The following ZNF257 variants were observed in gnomAD, a reference collection of about 807,000 sequenced individuals.
ZNF257 encodes the protein bone marrow zinc finger 4.
In ZNF257, 12 loss-of-function variants were observed where a neutral mutation model predicts 11.9. That is an observed-to-expected ratio of 1.01 (90% CI 0.65 to 1.63). The LOEUF is 1.63. Ranked by LOEUF, ZNF257 falls within the 40% of genes most tolerant of loss-of-function variation. The pLI, the probability that ZNF257 is intolerant of heterozygous loss-of-function variation, is 0.00. For synonymous variants in ZNF257, 183 were observed against 222.7 expected, an observed-to-expected ratio of 0.82 and a Z score of 1.59; for missense variants, 580 against 665.5, an observed-to-expected ratio of 0.87 and a Z score of 1.41.
In ZNF257 at chr19:22,091,344, C is replaced by T. The variant is rs1355646528; in HGVS notation, c.*1902C>T. 1 of 150,844 alleles carries T rather than the reference C, an allele frequency of 6.6e-6. No individual in the cohort carries two copies. Among genetic ancestry groups the T allele is most frequent in the East Asian group, 2.0e-4 (1 of 5,040 alleles). The allele number at this position is 150,844 out of a possible 1,614,324, so 9.3% of individuals were successfully genotyped here. On this transcript the variant is annotated 3_prime_UTR_variant, in exon 4 of 4. Coordinates refer to ENST00000594947, the MANE Select transcript of ZNF257 (RefSeq NM_033468.4). The stretch of plus-strand genomic sequence containing the variant: ...GCATGGTGGTGGGTGCCTGAAATCC[C>T]AGCTATTTGGGAGATTGAGGCAAGA...
intron 1 of ZNF257, among the ~76,000 whole-genome samples, chr19:22,061,803 T>C (rs1046883232): frequency 2.0e-5 from 3 of 152,158 alleles, no homozygotes; most frequent in Non-Finnish European, 2.9e-5. Flanking sequence ...TTTTGAAGTA[T>C]GTACCTTCAA....
In ZNF257 at chr19:22,088,235, G is replaced by C. The variant is rs755548631; in HGVS notation, c.485G>C (p.Arg162Thr). The change falls in exon 4 of 4, where the codon AGA becomes ACA. Residue 162 changes from arginine (R) to threonine (T), a missense_variant. Transcript: ENST00000594947. ...KVFYKFSNSD[R>T]HKIRHTEKKT... ...TTCTATAAGTTTTCAAATTCAGATAGACATAAGATAAGACATACTGAAAAG... is the reference window on the plus strand; with the variant it reads ...TTCTATAAGTTTTCAAATTCAGATACACATAAGATAAGACATACTGAAAAG... 1 of 1,610,144 alleles carries C rather than the reference G, an allele frequency of 6.2e-7. No individual in the cohort carries two copies. The highest frequency in any genetic ancestry group is 8.5e-7 in the Non-Finnish European group (1 of 1,178,662).
chr19:22,068,410 C>T (rs1490070961), intron 1 of ZNF257, among the ~76,000 whole-genome samples: 1 of 152,124 alleles, frequency 6.6e-6, no homozygotes, highest in Admixed American at 6.5e-5. Context: ...CCCAAGAATG[C>T]AGAGCCAGTT....
At chr19:22,083,372 G>A (rs576914333) in intron 3 of ZNF257, among the ~76,000 whole-genome samples, 3 of 152,172 alleles carry the variant, frequency 2.0e-5, no homozygotes, top group Admixed American at 6.5e-5. Context: ...TCAGGAAGCC[G>A]AGACAGGAGA....
At chr19:22,056,450 C>T (rs2021641492) in intron 1 of ZNF257, among the ~76,000 whole-genome samples, 1 of 151,114 alleles carries the variant, frequency 6.6e-6, no homozygotes, top group Admixed American at 6.6e-5. Flanking sequence ...CCTCATTTAC[C>T]TATTTCTTTT....
At chr19:22,077,352 A>G (rs983797562) in intron 3 of ZNF257, among the ~76,000 whole-genome samples, 1 of 152,094 alleles carries the variant, frequency 6.6e-6, no homozygotes, top group Non-Finnish European at 1.5e-5. Flanking sequence ...CATGTTAAGT[A>G]CATTCACATT....
chr19:22,058,918 C>T (rs965639092), intron 1 of ZNF257, among the ~76,000 whole-genome samples: 4 of 151,712 alleles, frequency 2.6e-5, no homozygotes, highest in African/African-American at 4.8e-5. Flanking sequence ...TTGCCAAAAA[C>T]CCACAAGTGT....
At chr19:22,059,181 T>A (rs1338018069) in intron 1 of ZNF257, among the ~76,000 whole-genome samples, 1 of 152,156 alleles carries the variant, frequency 6.6e-6, no homozygotes, top group African/African-American at 2.4e-5. Context: ...TGAGTACACA[T>A]GCAGGTTTGT....
At chr19:22,073,996 C>A (rs1263225354) in intron 3 of ZNF257, among the ~76,000 whole-genome samples, 1 of 151,978 alleles carries the variant, frequency 6.6e-6, no homozygotes, top group Non-Finnish European at 1.5e-5. Context: ...AATTTTTCTG[C>A]ACATTTCATC....
In ZNF257 at chr19:22,062,004, A is replaced by G. The variant is rs143949890; in HGVS notation, c.3+9369A>G. On this transcript the variant is annotated intron_variant, in intron 1 of 3. Coordinates refer to ENST00000594947, the MANE Select transcript of ZNF257 (RefSeq NM_033468.4). ...GATAAAGCCTACTTGATTATAGTGGATTAGCTTTTTGATATGCTGTTGGCT... is the reference window on the plus strand; with the variant it reads ...GATAAAGCCTACTTGATTATAGTGGGTTAGCTTTTTGATATGCTGTTGGCT... Among the ~76,000 whole-genome samples the G allele has an allele frequency of 3.9e-3, 584 of 151,564 alleles. 5 individuals are homozygous for G. The highest frequency in any genetic ancestry group is 0.013 in the African/African-American group (553 of 41,310).
Position 22,073,510 on chromosome 19 carries a change from C to A in ZNF257, c.172C>A (p.Gln58Lys). Residue 58 changes from glutamine (Q) to lysine (K), a missense_variant, in exon 3 of 4, where the codon CAA (glutamine) becomes AAA (lysine). Transcript: ENST00000594947. ...GCCAGACCTGATCACCTGTCTGGAG[C>A]AAGGAAAAGAGCCCTGTAATATGAA... ...SKPDLITCLE[Q>K]GKEPCNMKRH... The A allele has an allele frequency of 6.2e-7, 1 of 1,611,876 alleles. No homozygotes were observed. The highest frequency in any genetic ancestry group is 8.5e-7 in the Non-Finnish European group (1 of 1,179,126).
In ZNF257 at chr19:22,071,558, G is replaced by A. The variant is rs139697093; in HGVS notation, c.4-1251G>A. On this transcript the variant is annotated intron_variant, in intron 1 of 3. Coordinates refer to ENST00000594947, the MANE Select transcript of ZNF257 (RefSeq NM_033468.4). The stretch of plus-strand genomic sequence containing the variant: ...CTTCTGAAATGCCATGCATTTTTAC[G>A]TGCAAACCTTTACTTCTCTACTTGT... Among the ~76,000 whole-genome samples the A allele has an allele frequency of 2.6e-3, 390 of 151,882 alleles. 3 individuals carry two copies. The highest frequency in any genetic ancestry group is 9.1e-3 in the African/African-American group (375 of 41,372).
rs549942419 is a variant in ZNF257 at position 22,078,795 on chromosome 19, T to TC, written c.226+5231_226+5232insC. ...TGACACCCAGTTTTCTTTCTTTCTT[T>TC]TTTTTTTTTTTTTTGAGACGGAGTT... On this transcript the variant is annotated intron_variant, in intron 3 of 3. Transcript: ENST00000594947. 2.4e-3 allele frequency among the ~76,000 whole-genome samples: 353 copies of TC among 148,964 alleles called. 3 individuals are homozygous for TC. Among genetic ancestry groups the TC allele is most frequent in the African/African-American group, 8.2e-3 (336 of 40,828 alleles).
In ZNF257 at chr19:22,091,304, C is replaced by CA. The variant is rs1230330087; in HGVS notation, c.*1868dup. The CA allele has an allele frequency of 6.6e-5, 10 of 151,622 alleles. No individual in the cohort carries two copies. The East Asian group carries it at 1.7e-3, about 27-fold the overall frequency. The allele number at this position is 151,622 out of a possible 1,614,324, so 9.4% of individuals were successfully genotyped here. On this transcript the variant is annotated 3_prime_UTR_variant, in exon 4 of 4. Coordinates refer to ENST00000594947, the MANE Select transcript of ZNF257 (RefSeq NM_033468.4). Reference sequence around the variant, plus strand: ...TGAAACCCTGTCTCTACTGAAAATACAAAAAATTAGCCAGGCATGGTGGTG... The same window carrying CA: ...TGAAACCCTGTCTCTACTGAAAATACAAAAAAATTAGCCAGGCATGGTGGTG...
chr19:22,086,645 A>G (rs2022483434), intron 3 of ZNF257, among the ~76,000 whole-genome samples: 1 of 151,720 alleles, frequency 6.6e-6, no homozygotes, highest in Admixed American at 6.6e-5. Flanking sequence ...GTTATTTTAG[A>G]AGGTCTTTTT....
intron 3 of ZNF257, among the ~76,000 whole-genome samples, chr19:22,083,227 T>C (rs985149312): frequency 2.6e-5 from 4 of 152,088 alleles, no homozygotes; most frequent in Non-Finnish European, 5.9e-5. Context: ...CCCAGCAGTT[T>C]GGGAGGGCGA....
chr19:22,060,992 T>G (rs1448055479), intron 1 of ZNF257, among the ~76,000 whole-genome samples: 1 of 152,226 alleles, frequency 6.6e-6, no homozygotes, highest in South Asian at 2.1e-4. Context: ...CTGAGCCTGT[T>G]TTTGTACCAG....
At chr19:22,081,463 G>A (rs944435938) in intron 3 of ZNF257, among the ~76,000 whole-genome samples, 2 of 151,852 alleles carry the variant, frequency 1.3e-5, no homozygotes, top group African/African-American at 4.8e-5. Flanking sequence ...TGAATCTCTT[G>A]TATGCAGCAT....
At chr19:22,082,617 A>G (rs898163137) in intron 3 of ZNF257, among the ~76,000 whole-genome samples, 2 of 152,138 alleles carry the variant, frequency 1.3e-5, no homozygotes, top group Non-Finnish European at 2.9e-5. Context: ...TTATTACCTC[A>G]AAATTTGGGA....
Sources: gnomAD v4.1 joint callset for allele counts (sites outside exome capture counted in the v4.1 genomes callset) on GRCh38, gnomAD v4.1.1 for gene constraint, MANE v1.5 for transcripts, NCBI Gene and HGNC (gene_info 2026-07-23, HGNC 2026-07-21) for gene names.